Variants in GBF1 observed in about 807,000 individuals in gnomAD.
The protein encoded by GBF1 is Golgi-specific brefeldin A-resistance guanine nucleotide exchange factor 1.
GBF1 carries 114 observed loss-of-function variants against 210.5 expected under a neutral mutation model. The ratio of observed to expected loss-of-function variants is 0.54; its 90% CI spans 0.47 to 0.63. GBF1 has a LOEUF of 0.63. GBF1 is among the 30% of genes least tolerant of loss of function. The pLI is 0.00. For missense variants in GBF1, 1,851 were observed against 2,357.7 expected, an observed-to-expected ratio of 0.79 and a Z score of 4.45; for synonymous variants, 850 against 889.2, an observed-to-expected ratio of 0.96 and a Z score of 0.78.
intron 3 of GBF1, among the ~76,000 whole-genome samples, chr10:102,298,338 C>A (rs2077075401): frequency 6.6e-6 from 1 of 152,106 alleles, no homozygotes; most frequent in South Asian, 2.1e-4. Flanking sequence ...CGAGTCCACA[C>A]CTGAGTGTTG....
chr10:102,284,263 A>G (rs1290718354), intron 3 of GBF1, among the ~76,000 whole-genome samples: 1 of 152,218 alleles, frequency 6.6e-6, no homozygotes, highest in Non-Finnish European at 1.5e-5. Flanking sequence ...GCTTTTTTAA[A>G]AAACTGAAGT....
rs1307118610 is a variant in GBF1 at position 102,353,571 on chromosome 10, T to G, written c.585-29T>G. 4 of 1,502,414 alleles carry G rather than the reference T, an allele frequency of 2.7e-6. No individual in the cohort carries two copies. The African/African-American group carries it at 5.5e-5, about 21-fold the overall frequency. The allele number at this position is 1,502,414 out of a possible 1,614,324, so 93.1% of individuals were successfully genotyped here. The stretch of plus-strand genomic sequence containing the variant: ...GGGAGACATTTGTCATTATCCCTAA[T>G]GACAGTTGATGGATTTTCTATCTTA... On this transcript the variant is annotated intron_variant, in intron 7 of 39. Coordinates refer to ENST00000369983, the MANE Select transcript of GBF1 (RefSeq NM_001377137.1).
At chr10:102,275,720 A>G (rs2074897244) in intron 3 of GBF1, among the ~76,000 whole-genome samples, 1 of 152,152 alleles carries the variant, frequency 6.6e-6, no homozygotes, top group Admixed American at 6.5e-5. Context: ...TACCTACTAT[A>G]GCTAAATACT....
chr10:102,375,244 C>T, intron 29 of GBF1, 115 bp from the exon 30 acceptor site: 2 of 673,014 alleles, frequency 3.0e-6, no homozygotes, highest in Admixed American at 4.6e-5. Context: ...AAATTGGGTC[C>T]TAGCCAAACT....
In GBF1 at chr10:102,363,927, C is replaced by T; in HGVS notation, c.2106+129C>T. 1.6e-6 allele frequency: 1 copy of T among 612,300 alleles called. No individual in the cohort carries two copies. The highest frequency in any genetic ancestry group is 2.9e-6 in the Non-Finnish European group (1 of 345,632). 37.9% of individuals were successfully genotyped at this position (612,300 alleles called of 1,614,324 possible). On this transcript the variant is annotated intron_variant, in intron 17 of 39. Coordinates refer to ENST00000369983, the MANE Select transcript of GBF1 (RefSeq NM_001377137.1). This position sits in a 1 kb window ranked among gnomAD's most constrained non-coding sequence, Gnocchi z 4.2. ...CAGCTTCCTGAGGCCAGTCTTTGGG[C>T]TTGTTGGGACTTCAGCAACTCCCAT... is the stretch of plus-strand genomic sequence containing the variant.
intron 4 of GBF1, among the ~76,000 whole-genome samples, chr10:102,345,463 A>T (rs1053143172): frequency 6.6e-6 from 1 of 151,322 alleles, no homozygotes. Context: ...CCAGCCTAAC[A>T]TGGTGAAACC....
At chr10:102,317,663 T>C (rs1333074937) in intron 3 of GBF1, among the ~76,000 whole-genome samples, 3 of 152,140 alleles carry the variant, frequency 2.0e-5, no homozygotes, top group African/African-American at 4.8e-5. Flanking sequence ...AGAACCTCCA[T>C]AGTCCAATCA....
At chr10:102,270,990 C>T (rs926901573) in intron 3 of GBF1, among the ~76,000 whole-genome samples, 8 of 151,958 alleles carry the variant, frequency 5.3e-5, no homozygotes, top group African/African-American at 1.9e-4. Context: ...GGACTACAGG[C>T]GCATGCCACC....
At chr10:102,298,194 A>ATT in intron 3 of GBF1, among the ~76,000 whole-genome samples, 1 of 152,030 alleles carries the variant, frequency 6.6e-6, no homozygotes, top group African/African-American at 2.4e-5. Context: ...CAGCCTCCCA[A>ATT]AGTGCTGAGA....
At chr10:102,267,979 G>A (rs970758847) in intron 3 of GBF1, among the ~76,000 whole-genome samples, 2 of 152,212 alleles carry the variant, frequency 1.3e-5, no homozygotes, top group Non-Finnish European at 2.9e-5. Flanking sequence ...AGCACAGTTA[G>A]AGTGAATAAA....
At position 102,270,715 on chromosome 10, in the gene GBF1, C is replaced by T. The variant is rs1482224428; in HGVS notation, c.163+10599C>T. On this transcript the variant is annotated intron_variant, in intron 3 of 39. Transcript: ENST00000369983. ...TACCATTATCACAACTAAGAAACAA[C>T]AATAATTTGCCAATTCTAGTTAATA... is the stretch of plus-strand genomic sequence containing the variant. 3.3e-5 allele frequency among the ~76,000 whole-genome samples: 5 copies of T among 152,124 alleles called. No homozygotes were observed. The South Asian group carries it at 8.3e-4, about 25-fold the overall frequency.
intron 13 of GBF1, 67 bp downstream of exon 13, chr10:102,361,187 G>C (rs1028316760): frequency 3.5e-6 from 3 of 848,824 alleles, no homozygotes; most frequent in Non-Finnish European, 6.2e-6. Flanking sequence ...TCTTCAGTGG[G>C]GCCAGCTCTA....
At chr10:102,315,301 G>A (rs531133668) in intron 3 of GBF1, among the ~76,000 whole-genome samples, 1 of 152,302 alleles carries the variant, frequency 6.6e-6, no homozygotes, top group Non-Finnish European at 1.5e-5. Flanking sequence ...AGTGGTGGGC[G>A]AGCAAGCATT....
intron 29 of GBF1, among the ~76,000 whole-genome samples, chr10:102,374,013 A>G (rs2060353987): frequency 6.6e-6 from 1 of 152,240 alleles, no homozygotes; most frequent in Non-Finnish European, 1.5e-5. Context: ...TATGTAATAT[A>G]TAATTCCACT....
chr10:102,382,070 G>T lies in GBF1; in HGVS notation c.5317G>T (p.Glu1773Ter). ...ELGACDFEKP[E>*]SPRAASSSSP... is the part of the protein sequence containing the mutation. The stretch of plus-strand genomic sequence containing the variant: ...TTTCCCTACAGACTTTGAGAAGCCC[G>T]AGAGCCCCCGAGCCGCCAGCAGCAG... The change falls in exon 40 of 40, where the codon GAG becomes TAG. Residue 1773 changes from glutamate (E) to a stop codon, truncating the protein, a stop_gained. Coordinates refer to ENST00000369983, the MANE Select transcript of GBF1 (RefSeq NM_001377137.1). LOFTEE classifies it high-confidence loss of function. The T allele has an allele frequency of 6.5e-7, 1 of 1,548,990 alleles. No individual in the cohort carries two copies. Among genetic ancestry groups the T allele is most frequent in the Non-Finnish European group, 8.7e-7 (1 of 1,148,536 alleles).
chr10:102,298,819 C>G (rs1384683840), intron 3 of GBF1, among the ~76,000 whole-genome samples: 1 of 152,200 alleles, frequency 6.6e-6, no homozygotes, highest in East Asian at 1.9e-4. Flanking sequence ...ACCTCCTACT[C>G]TTACCTCTAC....
chr10:102,271,014 TTTTTA>T (rs1013028918), intron 3 of GBF1, among the ~76,000 whole-genome samples: 10 of 151,578 alleles, frequency 6.6e-5, no homozygotes, highest in African/African-American at 1.2e-4. Context: ...CCTAGCTAAT[TTTTTA>T]TTTTATTTTA....
chr10:102,323,685 C>A (rs144632011), intron 3 of GBF1, among the ~76,000 whole-genome samples: 90 of 151,608 alleles, frequency 5.9e-4, no homozygotes, highest in Middle Eastern at 3.4e-3. Flanking sequence ...GGATTACAGG[C>A]GTGAGCCACC....
At chr10:102,253,657 G>A (rs1003510842) in intron 1 of GBF1, among the ~76,000 whole-genome samples, 1 of 152,012 alleles carries the variant, frequency 6.6e-6, no homozygotes, top group Non-Finnish European at 1.5e-5. Flanking sequence ...GGGACTACAG[G>A]CACATGCCAC....
Sources: allele counts gnomAD v4.1 joint callset (sites outside exome capture counted in the v4.1 genomes callset), GRCh38; gene constraint gnomAD v4.1.1; non-coding constraint Gnocchi (gnomAD v3.1); transcripts MANE v1.5; gene names NCBI Gene and HGNC (gene_info 2026-07-23, HGNC 2026-07-21).